Variants in SNRNP200 observed in about 807,000 individuals in gnomAD.
The protein encoded by SNRNP200 is small nuclear ribonucleoprotein U5 subunit 200.
A neutral mutation model predicts 255.2 loss-of-function variants in SNRNP200; 66 were observed. The ratio of observed to expected loss-of-function variants is 0.26; its 90% confidence interval spans 0.21 to 0.32. The LOEUF is 0.32. SNRNP200 is among the 10% of genes least tolerant of loss of function. The pLI is 1.00. For missense variants in SNRNP200, 1,585 were observed against 2,749.8 expected, an observed-to-expected ratio of 0.58 and a Z score of 9.47; for synonymous variants, 939 against 1,027.8, an observed-to-expected ratio of 0.91 and a Z score of 1.65.
Position 96,291,650 on chromosome 2 carries a change from A to C in SNRNP200, c.2310+101T>G. ...CAGACAATCAACCTTAACCCATGGG[A>C]AACAACAATACCACAGTACAGTCCT... On this transcript the variant is annotated intron_variant, in intron 17 of 44. Coordinates refer to ENST00000323853, the MANE Select transcript of SNRNP200 (RefSeq NM_014014.5). The surrounding 1 kb of genome is among the most constrained non-coding windows in gnomAD (Gnocchi z 4.2). 7.0e-6 allele frequency: 10 copies of C among 1,424,360 alleles called. No individual in the cohort carries two copies. Among genetic ancestry groups the C allele is most frequent in the Non-Finnish European group, 8.9e-6 (9 of 1,011,536 alleles). 88.2% of individuals were successfully genotyped at this position (1,424,360 alleles called of 1,614,324 possible). A position where few individuals can be genotyped will look rare whatever the true frequency, so the allele number is the denominator to read the frequency against.
In SNRNP200 at chr2:96,299,068, C is replaced by A. The variant is rs561597375; in HGVS notation, c.730-101G>T. On this transcript the variant is annotated intron_variant, in intron 6 of 44. Coordinates refer to ENST00000323853, the MANE Select transcript of SNRNP200 (RefSeq NM_014014.5). ...GTTCTACTTGACAATCCATAGCCCACCTTCTTGTGAGGACTTTCCAGAGGA... is the reference window on the plus strand; with the variant it reads ...GTTCTACTTGACAATCCATAGCCCAACTTCTTGTGAGGACTTTCCAGAGGA... The A allele has an allele frequency of 2.0e-6, 3 of 1,488,960 alleles. No individual in the cohort carries two copies. The East Asian group carries it at 6.8e-5, about 34-fold the overall frequency. The allele number at this position is 1,488,960 out of a possible 1,614,324, so 92.2% of individuals were successfully genotyped here.
chr2:96,300,920 C>T, intron 5 of SNRNP200, 78 bp downstream of exon 5: 1 of 1,190,210 alleles, frequency 8.4e-7, no homozygotes. Flanking sequence ...AACTAGAGAG[C>T]TTGTTTACAC....
Position 96,293,017 on chromosome 2 carries a change from A to C in SNRNP200, c.2115T>G (p.Asn705Lys), listed in dbSNP as rs1268998825. The C allele has an allele frequency of 9.9e-6, 16 of 1,614,174 alleles. No individual in the cohort carries two copies. Among genetic ancestry groups the C allele is most frequent in the Non-Finnish European group, 1.4e-5 (16 of 1,180,006 alleles). The change falls in exon 16 of 45, where the codon AAT becomes AAG. Residue 705 changes from asparagine (N) to lysine (K), a missense_variant. Physicochemically the swap from Asn to Lys is moderately conservative, Grantham distance 94. Coordinates refer to ENST00000323853, the MANE Select transcript of SNRNP200 (RefSeq NM_014014.5). ...KKAIKRFQIM[N>K]EIVYEKIMEH... ...CCATGATTTTTTCATAGACGATTTC[A>C]TTCATGATCTGGAAACGCTTGATAG...
chr2:96,305,247 C>T, intron 1 of SNRNP200, 146 bp downstream of exon 1: 1 of 1,088,256 alleles, frequency 9.2e-7, no homozygotes, highest in South Asian at 1.3e-5. Flanking sequence ...TTCACGTCAT[C>T]GTATAACCCC....
intron 8 of SNRNP200, 85 bp downstream of exon 8, chr2:96,298,518 T>G: frequency 6.2e-7 from 1 of 1,609,696 alleles, no homozygotes; most frequent in Non-Finnish European, 8.5e-7. Flanking sequence ...AAACAAGCAC[T>G]TAGGCTGTGA....
In SNRNP200 at chr2:96,290,721, C is replaced by A; in HGVS notation, c.2516G>T (p.Gly839Val). ...KGTQVYSPEK[G>V]RWTELGALDI... ...CAGTGCTCCCAGTTCTGTCCAACGC[C>A]CCTTCTCTGGACTGTACACCTGGGT... The change falls in exon 19 of 45, where the codon GGG becomes GTG. Residue 839 changes from glycine to valine, a missense_variant. Coordinates refer to ENST00000323853, the MANE Select transcript of SNRNP200 (RefSeq NM_014014.5). The surrounding 1 kb of genome is among the most constrained non-coding windows in gnomAD (Gnocchi z 4.5). 1 of 1,614,180 alleles carries A rather than the reference C, an allele frequency of 6.2e-7. No homozygotes were observed. Among genetic ancestry groups the A allele is most frequent in the Non-Finnish European group, 8.5e-7 (1 of 1,180,026 alleles).
intron 4 of SNRNP200, 44 bp downstream of exon 4, chr2:96,301,477 TCAA>T (rs1202982351): frequency 1.9e-6 from 3 of 1,585,402 alleles, no homozygotes; most frequent in East Asian, 2.2e-5. Context: ...TGTTTAGGGG[TCAA>T]CAACAACCAA....
intron 11 of SNRNP200, 67 bp downstream of exon 11, chr2:96,297,296 G>A (rs1016271163): frequency 6.3e-7 from 1 of 1,586,958 alleles, no homozygotes; most frequent in Admixed American, 1.7e-5. Flanking sequence ...GCTACATTTT[G>A]GTCAATGGTT....
intron 16 of SNRNP200, among the ~76,000 whole-genome samples, chr2:96,292,229 GC>G (rs1431436169): frequency 6.6e-6 from 1 of 152,208 alleles, no homozygotes; most frequent in African/African-American, 2.4e-5. Flanking sequence ...AGTCAAAGCT[GC>G]ATGAAAATGT....
chr2:96,305,325 C>T, intron 1 of SNRNP200, 68 bp downstream of exon 1: 2 of 1,596,422 alleles, frequency 1.3e-6, no homozygotes, highest in South Asian at 1.1e-5. Context: ...GACTGAAACT[C>T]CCTTTTTCAG....
chr2:96,297,696 C>T lies in SNRNP200; in HGVS notation c.1144G>A (p.Val382Met). 6.2e-7 allele frequency: 1 copy of T among 1,614,246 alleles called. No individual in the cohort carries two copies. Among genetic ancestry groups the T allele is most frequent in the Non-Finnish European group, 8.5e-7 (1 of 1,180,040 alleles). The change falls in exon 10 of 45, where the codon GTG (valine) becomes ATG (methionine). Residue 382 changes from valine to methionine, a missense_variant. Transcript: ENST00000323853. ...TCTGTGTCCATTCGAGACTGACGCA[C>T]TCGCTCTCTCCGGGACCTTTCCTCC... ...IREERSRRER[V>M]RQSRMDTDLE...
intron 34 of SNRNP200, chr2:96,282,690 C>A (rs1206042679): frequency 3.9e-6 from 1 of 254,698 alleles, no homozygotes; most frequent in African/African-American, 2.2e-5. Flanking sequence ...TAGCACCTCC[C>A]CACTCACTCT....
rs963184138 is a variant in SNRNP200 at position 96,291,228 on chromosome 2, G to C, written c.2421+164C>G. Among the ~76,000 whole-genome samples the C allele has an allele frequency of 6.6e-6, 1 of 152,186 alleles. No individual in the cohort carries two copies. Among genetic ancestry groups the C allele is most frequent in the African/African-American group, 2.4e-5 (1 of 41,456 alleles). On this transcript the variant is annotated intron_variant, in intron 18 of 44. Coordinates refer to ENST00000323853, the MANE Select transcript of SNRNP200 (RefSeq NM_014014.5). The surrounding 1 kb of genome is among the most constrained non-coding windows in gnomAD (Gnocchi z 4.2). ...TCAAGCAAGGTGGGAAGAGTTGGGA[G>C]AGTAGCATAAGGTTCTATTTATTGT...
At position 96,281,879 on chromosome 2, in the gene SNRNP200, G is replaced by A. The variant is rs748735007; in HGVS notation, c.4959C>T (p.Gly1653=). Residue 1653 remains glycine, a synonymous_variant, in exon 35 of 45, where the codon GGC becomes GGT. Transcript: ENST00000323853. ...TTACCAGGTGGGCAGCCACGTTCAT[G>A]CCCCAGCAGAGACTCCGAGAAGCCA... ...VVVASRSLCW[G]MNVAAHLVII... The A allele has an allele frequency of 1.2e-6, 2 of 1,614,170 alleles. No homozygotes were observed. The highest frequency in any genetic ancestry group is 1.7e-6 in the Non-Finnish European group (2 of 1,180,024).
intron 21 of SNRNP200, 80 bp from the exon 22 acceptor site, chr2:96,289,459 T>A: frequency 6.6e-7 from 1 of 1,508,640 alleles, no homozygotes; most frequent in Non-Finnish European, 9.2e-7. Context: ...GTTACTGTCC[T>A]ATAGGTTTTT....
At chr2:96,294,400 C>T (rs1199010895) in intron 14 of SNRNP200, among the ~76,000 whole-genome samples, 8 of 151,988 alleles carry the variant, frequency 5.3e-5, no homozygotes, top group Admixed American at 4.6e-4. Context: ...ATTGCATCAT[C>T]GCACTCCAGC....
chr2:96,299,570 C>G, intron 5 of SNRNP200, 143 bp from the exon 6 acceptor site: 1 of 729,880 alleles, frequency 1.4e-6, no homozygotes, highest in South Asian at 1.4e-5. Context: ...GAACCAAGGT[C>G]AGCCTTATTC....
Position 96,284,418 on chromosome 2 carries a change from G to A in SNRNP200, c.4332C>T (p.Asn1444=), listed in dbSNP as rs763990492. ...ILSRRWKQRK[N]VQNINLFVVD... is the part of the protein sequence containing the mutation. ...CCACGAAGAGGTTGATGTTCTGCAC[G>A]TTCTTGCGCTGCTTCCATCGCCGGG... Residue 1444 remains asparagine (N), a synonymous_variant, in exon 31 of 45, where the codon AAC becomes AAT. Transcript: ENST00000323853. 3.0e-5 allele frequency: 48 copies of A among 1,614,028 alleles called. No individual in the cohort carries two copies. In the Admixed American group the frequency reaches 3.5e-4, roughly 12 times the overall value.
chr2:96,293,168 C>T, intron 15 of SNRNP200, 73 bp from the exon 16 acceptor site: 1 of 1,598,288 alleles, frequency 6.3e-7, no homozygotes, highest in South Asian at 1.1e-5. Flanking sequence ...TTTTTCACTG[C>T]CCCAAGAGCA....
Sources: allele counts gnomAD v4.1 joint callset (sites outside exome capture counted in the v4.1 genomes callset), GRCh38; gene constraint gnomAD v4.1.1; non-coding constraint Gnocchi (gnomAD v3.1); transcripts MANE v1.5; gene names NCBI Gene and HGNC (gene_info 2026-07-23, HGNC 2026-07-21).